Variants in SLC5A9 observed in about 807,000 individuals in gnomAD.
The protein encoded by SLC5A9 is solute carrier family 5 member 9.
SLC5A9 carries 59 observed loss-of-function variants against 70.9 expected under a neutral mutation model. The observed-to-expected ratio is 0.83, with a 90% CI of 0.68 to 1.03. The LOEUF (loss-of-function observed/expected upper bound fraction) is 1.03. Ranked by LOEUF, SLC5A9 falls within the 50% of genes least tolerant of loss-of-function variation. The probability of loss-of-function intolerance (pLI) is 0.00; values close to 1 mark genes in which losing one functional copy is unlikely to be tolerated. For missense variants in SLC5A9, 832 were observed against 881.1 expected (o/e 0.94, Z 0.71); for synonymous variants, 340 against 346.5 (o/e 0.98, Z 0.21).
chr1:48,224,001 C>T (rs1242484825), intron 1 of SLC5A9, among the ~76,000 whole-genome samples: 1 of 152,230 alleles, frequency 6.6e-6, no homozygotes, highest in Non-Finnish European at 1.5e-5. Context: ...ACATATTTAT[C>T]ACTCCCTCGT....
chr1:48,245,790 A>AT (rs796756778), intron 13 of SLC5A9, among the ~76,000 whole-genome samples: 6 of 152,052 alleles, frequency 3.9e-5, no homozygotes, highest in African/African-American at 1.4e-4. Context: ...GCAAAACCCC[A>AT]TATCTACAAA....
intron 4 of SLC5A9, among the ~76,000 whole-genome samples, chr1:48,230,122 G>C (rs951227724): frequency 6.6e-6 from 1 of 152,218 alleles, no homozygotes; most frequent in Middle Eastern, 3.2e-3. Context: ...ATAAACCCAA[G>C]TATGTAGATG....
chr1:48,228,042 C>A (rs1193466899), intron 2 of SLC5A9: 1 of 152,158 alleles, frequency 6.6e-6, no homozygotes, highest in East Asian at 1.9e-4. Context: ...AGTCAGAGAT[C>A]CCATCTAATA....
rs755783609 is a variant in SLC5A9 at position 48,237,709 on chromosome 1, C to T, written c.1323C>T (p.Ser441=). 9 of 1,614,000 alleles carry T rather than the reference C, an allele frequency of 5.6e-6. No homozygotes were observed. The Admixed American group carries it at 8.3e-5, about 15-fold the overall frequency. Reference sequence around the variant, plus strand: ...TTGTGGTGTTCCTGGTTGTCATCAGCATCCTCTGGATCCCCATCATCCAAA... The same window carrying T: ...TTGTGGTGTTCCTGGTTGTCATCAGTATCCTCTGGATCCCCATCATCCAAA... ...RVFVVFLVVI[S]ILWIPIIQSS... Residue 441 remains serine, a synonymous_variant, in exon 11 of 14, where the codon AGC becomes AGT. Coordinates refer to ENST00000438567, the MANE Select transcript of SLC5A9 (RefSeq NM_001011547.3).
chr1:48,230,658 T>C lies in SLC5A9; in HGVS notation c.563T>C (p.Leu188Pro), dbSNP rs1644235127. 6.2e-7 allele frequency: 1 copy of C among 1,613,866 alleles called. No homozygotes were observed. The highest frequency in any genetic ancestry group is 1.3e-5 in the African/African-American group (1 of 74,876). ...ATGGCATTGGGCTGGAACCTGTACC[T>C]CTCCACAGGGATCCTGCTGGTGGTG... ...IQMALGWNLY[L>P]STGILLVVTA... is the part of the protein sequence containing the mutation. Residue 188 changes from leucine to proline, a missense_variant, in exon 5 of 14, where the codon CTC (leucine) becomes CCC (proline). By Grantham distance (98) the Leu-to-Pro change is moderately conservative (BLOSUM62 -3). Coordinates refer to ENST00000438567, the MANE Select transcript of SLC5A9 (RefSeq NM_001011547.3).
chr1:48,244,911 A>ATATATATATATATATAT (rs1557486574), intron 13 of SLC5A9, among the ~76,000 whole-genome samples: 4 of 23,384 alleles, frequency 1.7e-4, no homozygotes, highest in Admixed American at 5.3e-4. Flanking sequence ...TATATATATA[A>ATATATATATATATATAT]AACCTCTGTC....
At chr1:48,237,929 G>C in intron 11 of SLC5A9, 82 bp downstream of exon 11, 1 of 1,442,522 alleles carries the variant, frequency 6.9e-7, no homozygotes, top group South Asian at 1.3e-5. Flanking sequence ...CTGTGACCTT[G>C]AGAAAATCCA....
intron 2 of SLC5A9, 142 bp from the exon 3 acceptor site, chr1:48,228,708 G>A: frequency 7.4e-7 from 1 of 1,353,526 alleles, no homozygotes; most frequent in Non-Finnish European, 9.9e-7. Flanking sequence ...GATATCTGTG[G>A]AATTAAATGT....
chr1:48,238,699 C>T (rs1644359004), intron 11 of SLC5A9: 1 of 152,724 alleles, frequency 6.5e-6, no homozygotes, highest in African/African-American at 2.4e-5. Context: ...ACAGCAGTAC[C>T]TGGCTGAACT....
Position 48,222,752 on chromosome 1 carries a change from G to A in SLC5A9, c.16G>A (p.Ala6Thr), listed in dbSNP as rs2148557828. 1 of 1,614,190 alleles carries A rather than the reference G, an allele frequency of 6.2e-7. No individual in the cohort carries two copies. The highest frequency in any genetic ancestry group is 2.2e-5 in the East Asian group (1 of 44,882). MSKELAAMGPGASGDG... is the reference protein window; with the variant it reads MSKELTAMGPGASGDG... Reference sequence around the variant, plus strand: ...ACACTAACAGATGAGCAAGGAGCTGGCAGCAATGGGGCCTGGAGCTTCAGG... The same window carrying A: ...ACACTAACAGATGAGCAAGGAGCTGACAGCAATGGGGCCTGGAGCTTCAGG... Residue 6 changes from alanine (A) to threonine (T), a missense_variant, in exon 1 of 14, where the codon GCA (alanine) becomes ACA (threonine). Transcript: ENST00000438567.
intron 13 of SLC5A9, among the ~76,000 whole-genome samples, chr1:48,244,441 A>T (rs1401651013): frequency 1.3e-5 from 2 of 152,202 alleles, no homozygotes; most frequent in African/African-American, 2.4e-5. Context: ...CCTTGATTCT[A>T]GAGAAACAGC....
intron 2 of SLC5A9, among the ~76,000 whole-genome samples, chr1:48,227,331 T>C (rs993412700): frequency 3.0e-5 from 4 of 132,486 alleles, no homozygotes; most frequent in Non-Finnish European, 6.8e-5. Context: ...CGTGAGTGCA[T>C]GTGTGTGTCA....
rs771155200 is a variant in SLC5A9 at position 48,247,508 on chromosome 1, G to T, written c.2011G>T (p.Ala671Ser). The change falls in exon 14 of 14, where the codon GCC (alanine) becomes TCC (serine). Residue 671 changes from alanine to serine, a missense_variant. By Grantham distance (99) the Ala-to-Ser change is moderately conservative. Transcript: ENST00000438567. ...VCNINAVLLL[A>S]INIFLWGYFA ...CAACATCAATGCTGTCCTTTTGCTG[G>T]CCATCAACATCTTCCTCTGGGGCTA... is the stretch of plus-strand genomic sequence containing the variant. The T allele has an allele frequency of 6.2e-7, 1 of 1,614,192 alleles. No homozygotes were observed. The highest frequency in any genetic ancestry group is 2.2e-5 in the East Asian group (1 of 44,880).
chr1:48,247,395 C>T lies in SLC5A9; in HGVS notation c.1898C>T (p.Pro633Leu), dbSNP rs771335656. 2.0e-5 allele frequency: 32 copies of T among 1,613,950 alleles called. No homozygotes were observed. In the Admixed American group the frequency reaches 2.2e-4, roughly 11 times the overall value. The stretch of plus-strand genomic sequence containing the variant: ...TGGTTCTGTGGGCTCTCTGGAACAC[C>T]GGAGCAGGCCCTGAGCCCAGCAGAG... ...WSWFCGLSGTPEQALSPAEKA... is the reference protein window; with the variant it reads ...WSWFCGLSGTLEQALSPAEKA... Residue 633 changes from proline (P) to leucine (L), a missense_variant, in exon 14 of 14, where the codon CCG becomes CTG. Physicochemically the swap from Pro to Leu is moderately conservative, Grantham distance 98 (BLOSUM62 -3). Transcript: ENST00000438567.
intron 8 of SLC5A9, among the ~76,000 whole-genome samples, chr1:48,232,864 AAAG>A (rs1008929435): frequency 1.1e-4 from 17 of 148,388 alleles, no homozygotes; most frequent in African/African-American, 1.5e-4. Flanking sequence ...GAAAGGAAGA[AAAG>A]AAGAAGAAAG....
chr1:48,239,535 C>G lies in SLC5A9; in HGVS notation c.1675C>G (p.Gln559Glu). 1 of 1,614,008 alleles carries G rather than the reference C, an allele frequency of 6.2e-7. No homozygotes were observed. Among genetic ancestry groups the G allele is most frequent in the Non-Finnish European group, 8.5e-7 (1 of 1,179,868 alleles). The stretch of plus-strand genomic sequence containing the variant: ...CTGTACAACTCCCATCCCTGAGGAA[C>G]AGGCAAGTGTTGTGCTCATACTGAG... ...SLCTTPIPEE[Q>E]LTRLTWWTRN... The change falls in exon 12 of 14, where the codon CAG becomes GAG. Residue 559 changes from glutamine (Q) to glutamate (E), a missense_variant and splice_region_variant. By Grantham distance (29) the Gln-to-Glu change is conservative. Transcript: ENST00000438567. The surrounding 1 kb of genome is among the most constrained non-coding windows in gnomAD (Gnocchi z 4.2).
chr1:48,247,425 C>T lies in SLC5A9; in HGVS notation c.1928C>T (p.Ala643Val), dbSNP rs1644472331. The T allele has an allele frequency of 6.2e-7, 1 of 1,614,188 alleles. No homozygotes were observed. Residue 643 changes from alanine (A) to valine (V), a missense_variant, in exon 14 of 14, where the codon GCT becomes GTT. Physicochemically the swap from Ala to Val is moderately conservative, Grantham distance 64. Coordinates refer to ENST00000438567, the MANE Select transcript of SLC5A9 (RefSeq NM_001011547.3). Reference protein sequence around the residue: ...PEQALSPAEKAALEQKLTSIE... With the variant: ...PEQALSPAEKVALEQKLTSIE... The stretch of plus-strand genomic sequence containing the variant: ...CAGGCCCTGAGCCCAGCAGAGAAGG[C>T]TGCGCTAGAACAGAAGCTGACAAGC...
At chr1:48,227,578 G>A (rs534570609) in intron 2 of SLC5A9, among the ~76,000 whole-genome samples, 2 of 150,382 alleles carry the variant, frequency 1.3e-5, no homozygotes, top group East Asian at 4.0e-4. Flanking sequence ...GAGTGTGTGT[G>A]TGTGTACTGT....
At chr1:48,231,771 G>C (rs1285532612) in intron 6 of SLC5A9, 146 bp downstream of exon 6, 6 of 1,506,532 alleles carry the variant, frequency 4.0e-6, no homozygotes, top group Non-Finnish European at 5.3e-6. Context: ...CTCCCAAAGA[G>C]CAGGGTTCTC....
Sources: allele counts gnomAD v4.1 joint callset (sites outside exome capture counted in the v4.1 genomes callset), GRCh38; gene constraint gnomAD v4.1.1; non-coding constraint Gnocchi (gnomAD v3.1); transcripts MANE v1.5; gene names NCBI Gene and HGNC (gene_info 2026-07-23, HGNC 2026-07-21).